The following CCDC201 variants were observed in gnomAD, a reference collection of about 807,000 sequenced individuals.
The protein encoded by CCDC201 is coiled-coil domain containing 201.
the CCDC201 span, among the ~76,000 whole-genome samples, chr7:45,879,931 C>A: frequency 1.3e-5 from 2 of 152,006 alleles, no homozygotes; most frequent in Non-Finnish European, 2.9e-5. Flanking sequence ...ATTAAAAATA[C>A]AAAAATTAGC....
chr7:45,873,760 C>T (rs1331524034), upstream of CCDC201, among the ~76,000 whole-genome samples: 1 of 152,152 alleles, frequency 6.6e-6, no homozygotes, highest in African/African-American at 2.4e-5. Flanking sequence ...CTAACCATGC[C>T]TTAACTTTTT....
At chr7:45,860,881 TAACTA>T (rs1786590762) in exon 3 of CCDC201, 2 of 152,260 alleles carry the variant, frequency 1.3e-5, no homozygotes, top group African/African-American at 4.8e-5. Context: ...TTGAACACTT[TAACTA>T]GAGTGCCTAT....
intron 1 of CCDC201, among the ~76,000 whole-genome samples, chr7:45,866,840 G>A (rs376389635): frequency 5.9e-5 from 9 of 152,080 alleles, no homozygotes; most frequent in South Asian, 4.2e-4. Flanking sequence ...AATCTGTAAG[G>A]CATTGTCAAT....
At chr7:45,868,847 A>C in intron 1 of CCDC201, among the ~76,000 whole-genome samples, 1 of 152,244 alleles carries the variant, frequency 6.6e-6, no homozygotes, top group African/African-American at 2.4e-5. Context: ...CAAACAAGTT[A>C]TACTAGAAAG....
At chr7:45,876,371 C>T (rs1344499324), upstream of CCDC201, among the ~76,000 whole-genome samples, 2 of 152,170 alleles carry the variant, frequency 1.3e-5, no homozygotes, top group Non-Finnish European at 2.9e-5. Context: ...GGTGCTATTC[C>T]ATTTGCCAAT....
chr7:45,882,197 G>A, the CCDC201 span, among the ~76,000 whole-genome samples: 2 of 152,274 alleles, frequency 1.3e-5, no homozygotes, highest in South Asian at 4.1e-4. Context: ...TCAGCTGCTG[G>A]TGAGTAAGCA....
At chr7:45,870,225 C>T (rs1786729339) in intron 1 of CCDC201, among the ~76,000 whole-genome samples, 1 of 152,196 alleles carries the variant, frequency 6.6e-6, no homozygotes, top group Non-Finnish European at 1.5e-5. Flanking sequence ...ATCTTACTTG[C>T]ATAGTGGTTT....
intron 1 of CCDC201, among the ~76,000 whole-genome samples, chr7:45,871,073 T>C (rs1786738354): frequency 1.3e-5 from 2 of 152,260 alleles, no homozygotes; most frequent in South Asian, 4.1e-4. Flanking sequence ...GATAATTTGA[T>C]GTTTTCTGAT....
At chr7:45,869,434 A>G (rs1436191937) in intron 1 of CCDC201, among the ~76,000 whole-genome samples, 1 of 152,240 alleles carries the variant, frequency 6.6e-6, no homozygotes, top group Non-Finnish European at 1.5e-5. Flanking sequence ...ACCCAGGAGC[A>G]ACTGTTCTGT....
At chr7:45,878,467 G>A in the CCDC201 span, among the ~76,000 whole-genome samples, 1 of 152,238 alleles carries the variant, frequency 6.6e-6, no homozygotes, top group South Asian at 2.1e-4. Context: ...TCTAGGCAGA[G>A]GCTCCTAAGC....
chr7:45,878,148 T>C, the CCDC201 span, among the ~76,000 whole-genome samples: 5 of 152,186 alleles, frequency 3.3e-5, no homozygotes, highest in Non-Finnish European at 7.3e-5. Flanking sequence ...CCCAAGGCCT[T>C]GGCATCTCTT....
intron 2 of CCDC201, among the ~76,000 whole-genome samples, chr7:45,864,565 C>G (rs1786648056): frequency 6.6e-6 from 1 of 152,194 alleles, no homozygotes; most frequent in African/African-American, 2.4e-5. Context: ...CCCACCCAGC[C>G]CTGTGATGGC....
chr7:45,867,749 G>A (rs531842558), intron 1 of CCDC201, among the ~76,000 whole-genome samples: 4 of 152,306 alleles, frequency 2.6e-5, no homozygotes, highest in African/African-American at 9.6e-5. Flanking sequence ...CTTCTTCCCA[G>A]GCTGATAACT....
the CCDC201 span, among the ~76,000 whole-genome samples, chr7:45,884,009 TTTTC>T: frequency 8.0e-6 from 1 of 125,112 alleles, no homozygotes; most frequent in Non-Finnish European, 1.8e-5. Context: ...CTTTCTTTCT[TTTTC>T]TTTCTCTCTC....
chr7:45,867,274 C>T (rs113628876), intron 1 of CCDC201, among the ~76,000 whole-genome samples: 2,645 of 152,278 alleles, frequency 0.017, 31 homozygotes, highest in Non-Finnish European at 0.026. Context: ...CTGGTATCTC[C>T]GCACATCTGG....
At chr7:45,871,049 A>C (rs1446531131) in intron 1 of CCDC201, among the ~76,000 whole-genome samples, 2 of 152,254 alleles carry the variant, frequency 1.3e-5, no homozygotes, top group Non-Finnish European at 2.9e-5. Flanking sequence ...TCTAAAAATC[A>C]GTACTTAAAT....
upstream of CCDC201, among the ~76,000 whole-genome samples, chr7:45,877,015 G>A (rs1251615672): frequency 6.6e-6 from 1 of 152,234 alleles, no homozygotes; most frequent in Admixed American, 6.5e-5. Flanking sequence ...AGTGGTGGCA[G>A]GATGAGGTTC....
At chr7:45,872,663 G>A (rs1786754973) in intron 1 of CCDC201, among the ~76,000 whole-genome samples, 1 of 152,096 alleles carries the variant, frequency 6.6e-6, no homozygotes, top group Non-Finnish European at 1.5e-5. Flanking sequence ...GACACACCTG[G>A]GGCCTCAGAG....
chr7:45,869,101 A>G (rs371847713), intron 1 of CCDC201, among the ~76,000 whole-genome samples: 36 of 152,356 alleles, frequency 2.4e-4, no homozygotes, highest in East Asian at 1.9e-3. Context: ...AAACATGCAC[A>G]ATAGAATATT....
Sources: gnomAD v4.1 joint callset for allele counts (sites outside exome capture counted in the v4.1 genomes callset) on GRCh38, gnomAD v4.1.1 for gene constraint, MANE v1.5 for transcripts, NCBI Gene and HGNC (gene_info 2026-07-23, HGNC 2026-07-21) for gene names.